STOX2: variants seen among roughly 807,000 people sequenced by gnomAD.
The protein encoded by STOX2 is storkhead-box protein 2.
STOX2 carries 28 observed loss-of-function variants against 60.9 expected under a neutral mutation model. The observed-to-expected ratio is 0.46, with a 90% CI of 0.34 to 0.63. STOX2 has a LOEUF of 0.63. Among genes scored for constraint, STOX2 ranks in the 30% least tolerant of loss-of-function variants. The probability of loss-of-function intolerance (pLI) is 0.01; values close to 1 mark genes in which losing one functional copy is unlikely to be tolerated. For missense variants in STOX2, 1,024 were observed against 1,187.7 expected (o/e 0.86, Z 2.03); for synonymous variants, 472 against 463.9 (o/e 1.02, Z -0.22).
chr4:183,846,671 AGTT>A (rs1739997618), intron 1 of STOX2, among the ~76,000 whole-genome samples: 1 of 151,988 alleles, frequency 6.6e-6, no homozygotes, highest in Non-Finnish European at 1.5e-5. Context: ...GATTTCCTTT[AGTT>A]GCTTGTATAT....
intron 1 of STOX2, among the ~76,000 whole-genome samples, chr4:183,815,569 T>C (rs539341478): frequency 6.6e-6 from 1 of 152,348 alleles, no homozygotes; most frequent in East Asian, 1.9e-4. Context: ...TGTTTAGCTC[T>C]TTGACAAGCA....
chr4:183,923,774 G>A (rs1182833945), intron 1 of STOX2, among the ~76,000 whole-genome samples: 1 of 152,160 alleles, frequency 6.6e-6, no homozygotes, highest in Admixed American at 6.5e-5. Context: ...CAGAAAGTGA[G>A]GTGTCAGATG....
intron 1 of STOX2, among the ~76,000 whole-genome samples, chr4:183,967,181 G>A (rs1259274229): frequency 5.3e-5 from 8 of 152,030 alleles, no homozygotes; most frequent in African/African-American, 9.7e-5. Flanking sequence ...CGACCAACAC[G>A]GAGAAACTCC....
chr4:183,798,700 A>T, intron 1 of STOX2: 1 of 985,408 alleles, frequency 1.0e-6, no homozygotes, highest in African/African-American at 1.7e-5. Context: ...AAGAGGCCGG[A>T]GGAAAAAAAA....
At chr4:183,907,057 T>A in intron 1 of STOX2, 101 bp downstream of exon 1, 1 of 1,028,130 alleles carries the variant, frequency 9.7e-7, no homozygotes, top group Admixed American at 3.0e-5. Flanking sequence ...CAGTGATGGA[T>A]GCGATAAGTT....
At chr4:183,887,085 C>T (rs1204220506) in intron 1 of STOX2, among the ~76,000 whole-genome samples, 1 of 151,950 alleles carries the variant, frequency 6.6e-6, no homozygotes. Flanking sequence ...ATGGTGAAAC[C>T]CTGTCTCTCC....
chr4:183,892,515 T>C lies in STOX2; in HGVS notation c.364+94460T>C, dbSNP rs186558351. ...CAGGATGGTCTCGATCTCCTGACCT[T>C]GTCATCCGCCCGCCTCGGCTTCCCA... On this transcript the variant is annotated intron_variant, in intron 1 of 2. Coordinates refer to the STOX2 transcript ENST00000513034. Among the ~76,000 whole-genome samples the C allele has an allele frequency of 7.5e-3, 1,134 of 152,002 alleles. 15 individuals are homozygous for C. The highest frequency in any genetic ancestry group is 0.026 in the African/African-American group (1,075 of 41,322).
rs189123607 is a variant in STOX2, at chr4:183,944,728, A to G, written c.166+37772A>G. On this transcript the variant is annotated intron_variant, in intron 1 of 3. Coordinates refer to ENST00000308497, the MANE Select transcript of STOX2 (RefSeq NM_020225.3). ...CCATCTCTAAATAAAATGAAATAAA[A>G]TAAAATGGTGAGAAAGTCATTTAAG... Among the ~76,000 whole-genome samples, 578 of 152,364 alleles carry G rather than the reference A, an allele frequency of 3.8e-3. 1 individual carries two copies. The highest frequency in any genetic ancestry group is 6.5e-3 in the Non-Finnish European group (440 of 68,034).
chr4:183,947,287 TG>T (rs1200118994), intron 1 of STOX2, among the ~76,000 whole-genome samples: 1 of 152,218 alleles, frequency 6.6e-6, no homozygotes, highest in Non-Finnish European at 1.5e-5. Context: ...TCGTTAGTTT[TG>T]ATTATTTTTT....
chr4:183,866,105 A>C (rs1480772197), intron 1 of STOX2, among the ~76,000 whole-genome samples: 1 of 152,140 alleles, frequency 6.6e-6, no homozygotes, highest in Non-Finnish European at 1.5e-5. Context: ...CTGATGAACA[A>C]TTGTTTTCAA....
chr4:183,995,184 C>T (rs977124371), intron 1 of STOX2, among the ~76,000 whole-genome samples: 1 of 151,380 alleles, frequency 6.6e-6, no homozygotes, highest in Non-Finnish European at 1.5e-5. Flanking sequence ...ATCCCAGGAG[C>T]GGTGCTGGTC....
intron 1 of STOX2, chr4:183,853,572 A>G (rs1038717075): frequency 1.3e-5 from 2 of 152,256 alleles, no homozygotes; most frequent in Admixed American, 6.5e-5. Context: ...AGGGAAAAAG[A>G]AAAAGAGGAT....
At chr4:183,877,711 C>T (rs933609621) in intron 1 of STOX2, among the ~76,000 whole-genome samples, 6 of 152,224 alleles carry the variant, frequency 3.9e-5, no homozygotes, top group East Asian at 3.9e-4. Flanking sequence ...GAAGGAATCT[C>T]GCTCTGTCTC....
In STOX2 at chr4:183,806,403, G is replaced by A. The variant is rs1389847598; in HGVS notation, c.364+8348G>A. On this transcript the variant is annotated intron_variant, in intron 1 of 2. Coordinates refer to the STOX2 transcript ENST00000513034. The surrounding 1 kb of genome is among the most constrained non-coding windows in gnomAD (Gnocchi z 4.1). The stretch of plus-strand genomic sequence containing the variant: ...AAAATCACCTCCTTCTCATGAATCC[G>A]GGAGTCCCTGGAGCTCACGGAGGGC... Among the ~76,000 whole-genome samples the A allele has an allele frequency of 3.3e-5, 5 of 152,122 alleles. No homozygotes were observed. Among genetic ancestry groups the A allele is most frequent in the African/African-American group, 7.2e-5 (3 of 41,432 alleles).
intron 1 of STOX2, chr4:183,988,443 A>T (rs1399749627): frequency 6.6e-6 from 1 of 152,096 alleles, no homozygotes; most frequent in Non-Finnish European, 1.5e-5. Flanking sequence ...TTCCCTCCTC[A>T]AAACGTTACC....
chr4:183,798,996 T>G (rs1202766097), intron 1 of STOX2, among the ~76,000 whole-genome samples: 2 of 152,234 alleles, frequency 1.3e-5, no homozygotes, highest in Non-Finnish European at 2.9e-5. Context: ...CAGAAATTCT[T>G]TCTTGACATT....
In STOX2 at chr4:183,865,647, T is replaced by A. The variant is rs1740546293; in HGVS notation, c.364+67592T>A. On this transcript the variant is annotated intron_variant, in intron 1 of 2. Transcript: ENST00000513034. The surrounding 1 kb of genome is among the most constrained non-coding windows in gnomAD (Gnocchi z 4.1). ...ATTTATGGGATGTAAAGAAAAAAAT[T>A]CACTGAAGAGGAGGTAGTGATTTAT... Among the ~76,000 whole-genome samples, 1 of 152,116 alleles carries A rather than the reference T, an allele frequency of 6.6e-6. No individual in the cohort carries two copies. The highest frequency in any genetic ancestry group is 6.5e-5 in the Admixed American group (1 of 15,268).
Position 183,807,159 on chromosome 4 carries a change from A to G in STOX2, c.364+9104A>G, listed in dbSNP as rs992417744. On this transcript the variant is annotated intron_variant, in intron 1 of 2. Coordinates refer to the STOX2 transcript ENST00000513034. ...AGCTAATTTTTAGTATTTTTAGTAG[A>G]GACGGGGTTTCACCGCGTTAGCCAT... Among the ~76,000 whole-genome samples, 5 of 152,062 alleles carry G rather than the reference A, an allele frequency of 3.3e-5. No homozygotes were observed. In the South Asian group the frequency reaches 1.0e-3, roughly 32 times the overall value.
Position 183,806,732 on chromosome 4 carries a change from G to A in STOX2, c.364+8677G>A, listed in dbSNP as rs754993451. Among the ~76,000 whole-genome samples, 1 of 152,184 alleles carries A rather than the reference G, an allele frequency of 6.6e-6. No homozygotes were observed. Among genetic ancestry groups the A allele is most frequent in the Non-Finnish European group, 1.5e-5 (1 of 68,038 alleles). On this transcript the variant is annotated intron_variant, in intron 1 of 2. Transcript: ENST00000513034. The surrounding 1 kb of genome is among the most constrained non-coding windows in gnomAD (Gnocchi z 4.1). ...TCTTTTCAAACCATTGCAACAAAAG[G>A]TTATGATGACACCTCTGCCTTTCTA...
Sources: gnomAD v4.1 joint callset for allele counts (sites outside exome capture counted in the v4.1 genomes callset) on GRCh38, gnomAD v4.1.1 for gene constraint, Gnocchi (gnomAD v3.1) non-coding constraint, MANE v1.5 for transcripts, NCBI Gene and HGNC (gene_info 2026-07-23, HGNC 2026-07-21) for gene names.